OTULINL: variants seen among roughly 807,000 people sequenced by gnomAD.
The protein encoded by OTULINL is inactive ubiquitin thioesterase OTULINL.
OTULINL carries 42 observed loss-of-function variants against 43.9 expected under a neutral mutation model. The ratio of observed to expected loss-of-function variants is 0.96; its 90% confidence interval spans 0.75 to 1.24. The LOEUF (loss-of-function observed/expected upper bound fraction) is 1.24. Ranked by LOEUF, OTULINL falls within the 50% of genes most tolerant of loss-of-function variation. OTULINL has a pLI of 0.00. For missense variants in OTULINL, 411 were observed against 426.4 expected (o/e 0.96, Z 0.32); for synonymous variants, 172 against 153.6 (o/e 1.12, Z -0.88).
intron 1 of OTULINL, among the ~76,000 whole-genome samples, chr5:14,595,174 C>G (rs1273229964): frequency 1.3e-5 from 2 of 152,156 alleles, no homozygotes; most frequent in Non-Finnish European, 2.9e-5. Context: ...CTCAGTAGCC[C>G]TTGAAAGACC....
chr5:14,615,422 G>C lies in OTULINL; in HGVS notation c.*5108G>C, dbSNP rs923122428. ...TAAGATTCATGGAAAGAACCCCAGG[G>C]CAAGGTGAGGAGAAGCAGCTGGTAC... On this transcript the variant is annotated 3_prime_UTR_variant, in exon 8 of 8. Transcript: ENST00000274217. Among the ~76,000 whole-genome samples, 3 of 152,192 alleles carry C rather than the reference G, an allele frequency of 2.0e-5. No individual in the cohort carries two copies. Among genetic ancestry groups the C allele is most frequent in the African/African-American group, 7.2e-5 (3 of 41,438 alleles).
chr5:14,599,050 T>C (rs1251170549), intron 1 of OTULINL, among the ~76,000 whole-genome samples: 1 of 152,256 alleles, frequency 6.6e-6, no homozygotes, highest in African/African-American at 2.4e-5. Context: ...TAGCATTACA[T>C]TTTTAAGCTT....
At chr5:14,607,535 C>T (rs1343216194) in intron 6 of OTULINL, 77 bp downstream of exon 6, 7 of 1,553,150 alleles carry the variant, frequency 4.5e-6, no homozygotes, top group African/African-American at 1.4e-5. Context: ...TCTCTGATGT[C>T]AGGGACATTG....
At chr5:14,601,538 A>G (rs1023304176) in intron 4 of OTULINL, 96 bp downstream of exon 4, 55 of 1,095,546 alleles carry the variant, frequency 5.0e-5, no homozygotes, top group East Asian at 2.5e-5. Flanking sequence ...CCAGATATCC[A>G]TCAGTACCAA....
rs75854029 is a variant in OTULINL, at chr5:14,595,596, G to GAA, written c.65-5359_65-5358dup. ...CAGCTTTGGTATATTGTAGAGAATG[G>GAA]AAAAAAAAAAACACTAAGTAGAATT... On this transcript the variant is annotated intron_variant, in intron 1 of 7. Coordinates refer to ENST00000274217, the MANE Select transcript of OTULINL (RefSeq NM_019018.3). Among the ~76,000 whole-genome samples the GAA allele has an allele frequency of 8.2e-4, 93 of 113,562 alleles. 1 individual carries two copies. Among genetic ancestry groups the GAA allele is most frequent in the Middle Eastern group, 5.4e-3 (1 of 184 alleles). 74.5% of individuals were successfully genotyped at this position (113,562 alleles called of 152,430 possible).
chr5:14,600,011 A>G (rs903228045), intron 1 of OTULINL, among the ~76,000 whole-genome samples: 1 of 152,150 alleles, frequency 6.6e-6, no homozygotes, highest in Admixed American at 6.5e-5. Context: ...TCAAAAATAT[A>G]TAAATGGGCA....
intron 1 of OTULINL, among the ~76,000 whole-genome samples, chr5:14,582,533 C>G (rs933637049): frequency 3.9e-5 from 6 of 152,154 alleles, no homozygotes; most frequent in Non-Finnish European, 8.8e-5. Context: ...CGGTGGTTCA[C>G]GCCTGTAATC....
chr5:14,605,604 C>T (rs1001225942), intron 5 of OTULINL, among the ~76,000 whole-genome samples: 1 of 152,180 alleles, frequency 6.6e-6, no homozygotes, highest in Non-Finnish European at 1.5e-5. Flanking sequence ...TTTACGCTCT[C>T]TCTTTCAAAA....
chr5:14,600,833 T>TG, intron 1 of OTULINL, 132 bp from the exon 2 acceptor site: 1 of 843,154 alleles, frequency 1.2e-6, no homozygotes, highest in South Asian at 4.1e-5. Context: ...ACTTTAAAAA[T>TG]ATTTATGTAA....
chr5:14,609,069 A>C (rs775237280), intron 7 of OTULINL, 52 bp downstream of exon 7: 6 of 1,562,228 alleles, frequency 3.8e-6, no homozygotes, highest in Non-Finnish European at 5.2e-6. Context: ...CTGTGGCACT[A>C]TTTGAACACA....
intron 1 of OTULINL, among the ~76,000 whole-genome samples, chr5:14,585,041 C>G (rs894406920): frequency 6.6e-6 from 1 of 152,120 alleles, no homozygotes; most frequent in Non-Finnish European, 1.5e-5. Context: ...CGCAAACATT[C>G]CCTCCGCATG....
intron 2 of OTULINL, 35 bp downstream of exon 2, chr5:14,601,159 A>G (rs753842258): frequency 5.6e-6 from 9 of 1,611,956 alleles, no homozygotes; most frequent in South Asian, 1.1e-5. Flanking sequence ...TTTCAAATGT[A>G]TCTTTACTAT....
At chr5:14,606,837 T>C (rs1046690018) in intron 5 of OTULINL, among the ~76,000 whole-genome samples, 8 of 152,218 alleles carry the variant, frequency 5.3e-5, no homozygotes, top group African/African-American at 1.9e-4. Context: ...CTTGTGAAAT[T>C]GTAAGAATAT....
rs1038084565 is a variant in OTULINL at position 14,610,219 on chromosome 5, T to G, written c.976T>G (p.Phe326Val). The change falls in exon 8 of 8, where the codon TTT becomes GTT. Residue 326 changes from phenylalanine to valine, a missense_variant. Transcript: ENST00000274217. ...ACTGTTCAAGTTTAACTCCAGAGAC[T>G]TTGAAGTCTGCTACCCAGAGGAGCC... The part of the protein sequence containing the change: ...FRLFKFNSRD[F>V]EVCYPEEPLR... The G allele has an allele frequency of 1.9e-6, 3 of 1,613,984 alleles. No homozygotes were observed. In the African/African-American group the frequency reaches 4.0e-5, roughly 22 times the overall value.
chr5:14,595,294 G>A (rs1347924041), intron 1 of OTULINL, among the ~76,000 whole-genome samples: 1 of 152,192 alleles, frequency 6.6e-6, no homozygotes, highest in Non-Finnish European at 1.5e-5. Context: ...AAGATCAGGA[G>A]AGGAAGTAGA....
rs77267813 is a variant in OTULINL at position 14,585,966 on chromosome 5, T to A, written c.64+4008T>A. Among the ~76,000 whole-genome samples, 615 of 152,382 alleles carry A rather than the reference T, an allele frequency of 4.0e-3. 5 individuals carry two copies. The highest frequency in any genetic ancestry group is 6.0e-3 in the Non-Finnish European group (409 of 68,036). On this transcript the variant is annotated intron_variant, in intron 1 of 7. Coordinates refer to ENST00000274217, the MANE Select transcript of OTULINL (RefSeq NM_019018.3). ...TACTGTTGTTATTGTTTGAGACAAC[T>A]CTTGCAGGTCTGGGTACAGGAGGAG...
intron 1 of OTULINL, among the ~76,000 whole-genome samples, chr5:14,585,366 C>T (rs1472758511): frequency 6.6e-6 from 1 of 152,016 alleles, no homozygotes; most frequent in Non-Finnish European, 1.5e-5. Flanking sequence ...TTTTGCCACC[C>T]ATTTGTCCTA....
chr5:14,582,291 G>A (rs2126765895), intron 1 of OTULINL, among the ~76,000 whole-genome samples: 1 of 151,984 alleles, frequency 6.6e-6, no homozygotes, highest in South Asian at 2.1e-4. Flanking sequence ...TCAGAGCCGC[G>A]CGGGGAGCCC....
rs1759125387 is a variant in OTULINL, at chr5:14,587,390, ATG to A, written c.64+5434_64+5435del. On this transcript the variant is annotated intron_variant, in intron 1 of 7. Transcript: ENST00000274217. ...GCAAGCCAGTGCCAGCATGGGCTGA[ATG>A]TAACCAGTCACTGTCTAGATAGGAA... Among the ~76,000 whole-genome samples, 3 of 152,334 alleles carry A rather than the reference ATG, an allele frequency of 2.0e-5. No homozygotes were observed. The South Asian group carries it at 6.2e-4, about 32-fold the overall frequency.
Sources: allele counts gnomAD v4.1 joint callset (sites outside exome capture counted in the v4.1 genomes callset), GRCh38; gene constraint gnomAD v4.1.1; transcripts MANE v1.5; gene names NCBI Gene and HGNC (gene_info 2026-07-23, HGNC 2026-07-21).